Variants in ECD observed in about 807,000 individuals in gnomAD.
The protein encoded by ECD is ecdysoneless cell cycle regulator, also known as protein ecdysoneless homolog.
ECD carries 59 observed loss-of-function variants against 77.2 expected under a neutral mutation model. The ratio of observed to expected loss-of-function variants is 0.76; its 90% confidence interval spans 0.62 to 0.95. ECD has a LOEUF of 0.95. Ranked by LOEUF, ECD falls within the 40% of genes least tolerant of loss-of-function variation. The probability of loss-of-function intolerance (pLI) is 0.00; values close to 1 mark genes in which losing one functional copy is unlikely to be tolerated. For missense variants in ECD, 704 were observed against 763.4 expected (o/e 0.92, Z 0.92); for synonymous variants, 233 against 267.4 (o/e 0.87, Z 1.26).
intron 11 of ECD, 93 bp downstream of exon 11, chr10:73,139,216 C>G: frequency 9.4e-7 from 1 of 1,065,084 alleles, no homozygotes; most frequent in Non-Finnish European, 1.3e-6. Context: ...CTCATTTACT[C>G]AAAAAAAAAA....
intron 3 of ECD, among the ~76,000 whole-genome samples, chr10:73,159,791 G>C (rs1331353105): frequency 6.6e-6 from 1 of 151,156 alleles, no homozygotes; most frequent in Non-Finnish European, 1.5e-5. Context: ...TTACAGGCAT[G>C]TACCACCATG....
intron 11 of ECD, among the ~76,000 whole-genome samples, chr10:73,138,348 A>G (rs1294375167): frequency 6.6e-6 from 1 of 152,238 alleles, no homozygotes; most frequent in Non-Finnish European, 1.5e-5. Flanking sequence ...TCTAGCCCCA[A>G]TAAGATATCT....
At chr10:73,136,990 G>T in intron 12 of ECD, 72 bp from the exon 13 acceptor site, 14 of 558,302 alleles carry the variant, frequency 2.5e-5, no homozygotes, top group Non-Finnish European at 2.5e-5. Context: ...TTATTATTTA[G>T]TTACTACACA....
At chr10:73,158,742 A>G (rs1843335318) in intron 3 of ECD, among the ~76,000 whole-genome samples, 1 of 152,106 alleles carries the variant, frequency 6.6e-6, no homozygotes, top group African/African-American at 2.4e-5. Context: ...TCTCAAAAAA[A>G]TAAAATAAAA....
rs772215985 is a variant in ECD at position 73,163,824 on chromosome 10, G to A, written c.114C>T (p.Tyr38=). The A allele has an allele frequency of 1.5e-5, 25 of 1,614,116 alleles. No individual in the cohort carries two copies. The highest frequency in any genetic ancestry group is 2.0e-5 in the Non-Finnish European group (24 of 1,180,016). ...CAAACCGAGTGATTATTCTCTCAAT[G>A]TACTTCTGAAGAATCTCTTTATGTT... is the stretch of plus-strand genomic sequence containing the variant. ...SDKHKEILQK[Y]IERIITRFAP... is the part of the protein sequence containing the mutation. The change falls in exon 2 of 14, where the codon TAC becomes TAT. Residue 38 remains tyrosine (Y), a synonymous_variant. Coordinates refer to ENST00000372979, the MANE Select transcript of ECD (RefSeq NM_007265.3).
At chr10:73,157,974 ATTTTT>A (rs1159794868) in intron 3 of ECD, among the ~76,000 whole-genome samples, 2 of 139,496 alleles carry the variant, frequency 1.4e-5, no homozygotes, top group Admixed American at 6.9e-5. Context: ...ATTTTATTTT[ATTTTT>A]GAGACAGAGT....
intron 2 of ECD, among the ~76,000 whole-genome samples, chr10:73,163,375 T>A (rs1162827769): frequency 6.6e-6 from 1 of 152,068 alleles, no homozygotes; most frequent in Non-Finnish European, 1.5e-5. Context: ...AAATAAGGAA[T>A]CCTGAGTAAC....
In ECD at chr10:73,136,685, A is replaced by T. The variant is rs1480041652; in HGVS notation, c.1704+19T>A. The T allele has an allele frequency of 4.2e-5, 68 of 1,609,458 alleles. No homozygotes were observed. Among genetic ancestry groups the T allele is most frequent in the Non-Finnish European group, 5.7e-5 (67 of 1,176,342 alleles). On this transcript the variant is annotated intron_variant, in intron 13 of 13. Transcript: ENST00000372979. Reference sequence around the variant, plus strand: ...ACATACTAGACTCAGAAAGAGAAAGAGGTTAAAAACACACATACCACTTGG... The same window carrying T: ...ACATACTAGACTCAGAAAGAGAAAGTGGTTAAAAACACACATACCACTTGG...
In ECD at chr10:73,136,823, G is replaced by A; in HGVS notation, c.1585C>T (p.Pro529Ser). The change falls in exon 13 of 14, where the codon CCT (proline) becomes TCT (serine). Residue 529 changes from proline (P) to serine (S), a missense_variant. Around this residue, in one of 3 missense-constraint regions of ECD, gnomAD observed 142 missense variants for 163.6 expected, o/e 0.87. Transcript: ENST00000372979. ...DDDLDFETHE[P>S]GEEASLKGTL... is the part of the protein sequence containing the mutation. ...CCTTTCAGGGAAGCCTCTTCGCCAG[G>A]TTCGTGTGTTTCAAAGTCCAAGTCA... 1 of 1,614,000 alleles carries A rather than the reference G, an allele frequency of 6.2e-7. No individual in the cohort carries two copies. Among genetic ancestry groups the A allele is most frequent in the Non-Finnish European group, 8.5e-7 (1 of 1,179,992 alleles).
rs199551005 is a variant in ECD at position 73,139,847 on chromosome 10, G to GTTT, written c.1128-111_1128-110insAAA. On this transcript the variant is annotated intron_variant, in intron 9 of 13. Transcript: ENST00000372979. ...GGGATTAGCTAGTCTAATTTGGGGA[G>GTTT]TGTTTTTTTTTTTTTTTTTTAAGAG... 664 of 499,908 alleles carry GTTT rather than the reference G, an allele frequency of 1.3e-3. 3 individuals carry two copies. The highest frequency in any genetic ancestry group is 4.7e-3 in the East Asian group (104 of 22,254). The allele number at this position is 499,908 out of a possible 1,614,324, so 31.0% of individuals were successfully genotyped here.
At chr10:73,142,330 CA>C (rs987768340) in intron 9 of ECD, among the ~76,000 whole-genome samples, 1 of 151,122 alleles carries the variant, frequency 6.6e-6, no homozygotes, top group Admixed American at 6.6e-5. Flanking sequence ...TTTTAATTGA[CA>C]AAAAAGTGTA....
chr10:73,167,322 A>G (rs1361497305), intron 1 of ECD, among the ~76,000 whole-genome samples: 1 of 152,008 alleles, frequency 6.6e-6, no homozygotes, highest in African/African-American at 2.4e-5. Context: ...TCTTTTTTCT[A>G]TGACTGTGAA....
At chr10:73,157,048 CTT>C (rs944761707) in intron 3 of ECD, among the ~76,000 whole-genome samples, 1 of 145,626 alleles carries the variant, frequency 6.9e-6, no homozygotes. Flanking sequence ...ATTTGCATCA[CTT>C]TTTTTTTTTT....
At chr10:73,137,539 G>T (rs887249966) in intron 12 of ECD, among the ~76,000 whole-genome samples, 2 of 152,142 alleles carry the variant, frequency 1.3e-5, no homozygotes, top group African/African-American at 4.8e-5. Flanking sequence ...ACTTTGGTAG[G>T]CTGAGATGGG....
intron 3 of ECD, among the ~76,000 whole-genome samples, chr10:73,159,640 T>C (rs1278242563): frequency 6.9e-6 from 1 of 144,860 alleles, no homozygotes; most frequent in Non-Finnish European, 1.5e-5. Context: ...GACAGTACTT[T>C]AATTTTTTTT....
chr10:73,139,637 C>T lies in ECD; in HGVS notation c.1228G>A (p.Glu410Lys), dbSNP rs7083418. Reference protein sequence around the residue: ...LKKEAANLPPEDDDQWLDLSP... With the variant: ...LKKEAANLPPKDDDQWLDLSP... ...ATCCTGGTCCATCACTTACCATCCT[C>T]TGGGGGAAGATTAGCTGCTTCTTTC... Residue 410 changes from glutamate to lysine, a missense_variant, in exon 10 of 14, where the codon GAG becomes AAG. This residue lies in a region of ECD where 559 missense variants were observed against 583.7 expected (regional missense o/e 0.96). Coordinates refer to ENST00000372979, the MANE Select transcript of ECD (RefSeq NM_007265.3). 168 of 1,607,628 alleles carry T rather than the reference C, an allele frequency of 1.0e-4. No homozygotes were observed. The East Asian group carries it at 3.5e-3, about 34-fold the overall frequency.
Position 73,166,176 on chromosome 10 carries a change from CTGAAAAG to C in ECD, c.-14+1683_-14+1689del, listed in dbSNP as rs1564669490. Among the ~76,000 whole-genome samples, 27 of 151,500 alleles carry C rather than the reference CTGAAAAG, an allele frequency of 1.8e-4. 1 individual carries two copies. In the East Asian group the frequency reaches 5.2e-3, roughly 29 times the overall value. On this transcript the variant is annotated intron_variant, in intron 1 of 13. Transcript: ENST00000372979. ...CAGAATCTCATTTTTTTTTTTATGG[CTGAAAAG>C]CACTCCATTGTGTGTATGTGCCACA...
rs1388532800 is a variant in ECD at position 73,134,580 on chromosome 10, T to C, written c.*3A>G. The stretch of plus-strand genomic sequence containing the variant: ...AAGAAAAAAGAGAAGCTAAATGTGC[T>C]GGTTAATTTTTTGTTGGCTTACTTG... On this transcript the variant is annotated 3_prime_UTR_variant, in exon 14 of 14. Transcript: ENST00000372979. 6.2e-7 allele frequency: 1 copy of C among 1,610,764 alleles called. No individual in the cohort carries two copies. Among genetic ancestry groups the C allele is most frequent in the African/African-American group, 1.3e-5 (1 of 74,880 alleles).
chr10:73,149,145 G>A (rs755629805), intron 7 of ECD, among the ~76,000 whole-genome samples: 13 of 152,082 alleles, frequency 8.5e-5, no homozygotes, highest in Non-Finnish European at 1.8e-4. Flanking sequence ...CCCTACTAAT[G>A]GACATTTAAG....
Sources: allele counts gnomAD v4.1 joint callset (sites outside exome capture counted in the v4.1 genomes callset), GRCh38; gene constraint gnomAD v4.1.1; regional missense constraint gnomAD v4.1.1; transcripts MANE v1.5; gene names NCBI Gene and HGNC (gene_info 2026-07-23, HGNC 2026-07-21).